KSR1: variants seen among roughly 807,000 people sequenced by gnomAD.
The protein encoded by KSR1 is kinase suppressor of ras 1, also known as kinase suppressor of ras.
In KSR1, 35 loss-of-function variants were observed where a neutral mutation model predicts 92.9. The observed-to-expected ratio is 0.38, with a 90% confidence interval of 0.29 to 0.50. The LOEUF (loss-of-function observed/expected upper bound fraction) is 0.50, where lower values mean the gene tolerates loss of function less well. Ranked by LOEUF, KSR1 falls within the 20% of genes least tolerant of loss-of-function variation. KSR1 has a pLI of 0.94. For synonymous variants in KSR1, 467 were observed against 472.6 expected (o/e 0.99, Z 0.15); for missense variants, 972 against 1,158.5 (o/e 0.84, Z 2.34).
intron 1 of KSR1, among the ~76,000 whole-genome samples, chr17:27,519,928 G>A (rs1356291720): frequency 6.6e-6 from 1 of 152,144 alleles, no homozygotes; most frequent in Admixed American, 6.5e-5. Context: ...CCAGCCGGGA[G>A]TGGGGATAGT....
chr17:27,488,824 C>T (rs944828844), intron 1 of KSR1, among the ~76,000 whole-genome samples: 1 of 152,142 alleles, frequency 6.6e-6, no homozygotes, highest in Non-Finnish European at 1.5e-5. Context: ...ATTAGCTGGG[C>T]GTGGTGGCGC....
rs1331125610 is a variant in KSR1 at position 27,470,304 on chromosome 17, C to T, written c.231+13430C>T. ...TGGCCCAGGCTGGAGTGCAGTGGTG[C>T]GATCTCGGCTCACTGCAACCTCTGC... On this transcript the variant is annotated intron_variant, in intron 1 of 20. Coordinates refer to ENST00000644974, the MANE Select transcript of KSR1 (RefSeq NM_001394583.1). 4.2e-5 allele frequency among the ~76,000 whole-genome samples: 6 copies of T among 141,212 alleles called. No individual in the cohort carries two copies. In the South Asian group the frequency reaches 1.1e-3, roughly 27 times the overall value. 92.6% of individuals were successfully genotyped at this position (141,212 alleles called of 152,430 possible).
intron 1 of KSR1, among the ~76,000 whole-genome samples, chr17:27,510,079 C>G (rs1452640722): frequency 6.6e-6 from 1 of 152,262 alleles, no homozygotes. Flanking sequence ...ACTGGGGAAT[C>G]TCTCTCTTCA....
At chr17:27,475,155 A>G (rs1200310420) in intron 1 of KSR1, among the ~76,000 whole-genome samples, 1 of 152,158 alleles carries the variant, frequency 6.6e-6, no homozygotes, top group Non-Finnish European at 1.5e-5. Flanking sequence ...AGGGGAGTGA[A>G]CCAGGGTTGT....
intron 9 of KSR1, among the ~76,000 whole-genome samples, chr17:27,594,609 C>T (rs2073280000): frequency 6.6e-6 from 1 of 152,170 alleles, no homozygotes; most frequent in Non-Finnish European, 1.5e-5. Context: ...AGAGCAGTGG[C>T]CCTCCAGGAT....
At chr17:27,461,417 A>G (rs1283380301) in intron 1 of KSR1, among the ~76,000 whole-genome samples, 3 of 152,188 alleles carry the variant, frequency 2.0e-5, no homozygotes, top group Non-Finnish European at 4.4e-5. Context: ...GACTTCTCCC[A>G]AGTCACAGGT....
At chr17:27,492,534 G>A in intron 1 of KSR1, among the ~76,000 whole-genome samples, 1 of 152,178 alleles carries the variant, frequency 6.6e-6, no homozygotes, top group East Asian at 1.9e-4. Context: ...CCCTTCCCTT[G>A]CTTGGGCTGA....
chr17:27,476,616 C>T (rs1453902316), intron 1 of KSR1, among the ~76,000 whole-genome samples: 1 of 152,168 alleles, frequency 6.6e-6, no homozygotes, highest in African/African-American at 2.4e-5. Flanking sequence ...CCCTGGGAAG[C>T]CCATGGTTGA....
intron 2 of KSR1, among the ~76,000 whole-genome samples, chr17:27,550,958 A>G (rs897115773): frequency 3.3e-5 from 5 of 152,202 alleles, no homozygotes; most frequent in African/African-American, 1.2e-4. Flanking sequence ...TGTTCATCAT[A>G]CTTACAACAG....
At chr17:27,580,608 C>T (rs924102968) in intron 3 of KSR1, among the ~76,000 whole-genome samples, 1 of 152,144 alleles carries the variant, frequency 6.6e-6, no homozygotes, top group African/African-American at 2.4e-5. Flanking sequence ...CCCATCCCAC[C>T]ACTTTCTTAG....
Position 27,590,825 on chromosome 17 carries a change from C to T in KSR1, c.1061C>T (p.Ser354Phe). ...LSVTHRFSTK[S>F]WLSQVCHVCQ... ...GCCCTCTGCAGGTTCTCCACCAAGT[C>T]CTGGCTGTCGCAGGTCTGCCACGTG... The change falls in exon 7 of 21, where the codon TCC becomes TTC. Residue 354 changes from serine to phenylalanine, a missense_variant. By Grantham distance (155) the Ser-to-Phe change is radical (BLOSUM62 -2). Around this residue, in one of 5 missense-constraint regions of KSR1, gnomAD observed 611 missense variants for 668.0 expected, o/e 0.91. Transcript: ENST00000644974. The T allele has an allele frequency of 6.2e-7, 1 of 1,611,156 alleles. No individual in the cohort carries two copies. Among genetic ancestry groups the T allele is most frequent in the Non-Finnish European group, 8.5e-7 (1 of 1,178,830 alleles).
At chr17:27,554,311 G>C (rs775632713) in intron 2 of KSR1, among the ~76,000 whole-genome samples, 1 of 152,304 alleles carries the variant, frequency 6.6e-6, no homozygotes, top group South Asian at 2.1e-4. Context: ...CTAGGCATAC[G>C]TGGGTTGTCA....
At chr17:27,456,913 G>T (rs1396078115) in intron 1 of KSR1, 39 bp downstream of exon 1, 2 of 773,290 alleles carry the variant, frequency 2.6e-6, no homozygotes, top group Non-Finnish European at 4.6e-6. Flanking sequence ...CGAGGAGCGG[G>T]CCCGGACACC....
intron 2 of KSR1, chr17:27,557,922 T>C (rs113806446): frequency 1.3e-4 from 20 of 152,768 alleles, no homozygotes; most frequent in African/African-American, 3.6e-4. Context: ...CAGTTGGAGC[T>C]CTGCCGCACG....
At chr17:27,505,492 A>G (rs1397936501) in intron 1 of KSR1, among the ~76,000 whole-genome samples, 1 of 152,178 alleles carries the variant, frequency 6.6e-6, no homozygotes, top group African/African-American at 2.4e-5. Flanking sequence ...TTAGTGCTCT[A>G]AGAGAGGCAA....
intron 6 of KSR1, among the ~76,000 whole-genome samples, chr17:27,588,794 G>C (rs190761287): frequency 6.6e-6 from 1 of 152,294 alleles, no homozygotes; most frequent in African/African-American, 2.4e-5. Flanking sequence ...TTCTTTCCCA[G>C]GACACAGGTC....
intron 3 of KSR1, chr17:27,579,717 A>G (rs1213208597): frequency 1.3e-5 from 2 of 151,718 alleles, no homozygotes; most frequent in Admixed American, 6.6e-5. Context: ...TTCTACAAAA[A>G]ATACAAAAAT....
At chr17:27,514,711 T>A (rs1454095155) in intron 1 of KSR1, among the ~76,000 whole-genome samples, 3 of 151,106 alleles carry the variant, frequency 2.0e-5, no homozygotes, top group Non-Finnish European at 4.4e-5. Context: ...AAGTAAGGGA[T>A]TATTTTTCTT....
At chr17:27,464,769 G>A (rs970296106) in intron 1 of KSR1, among the ~76,000 whole-genome samples, 5 of 151,050 alleles carry the variant, frequency 3.3e-5, no homozygotes, top group African/African-American at 1.2e-4. Flanking sequence ...ACTATCCATT[G>A]GTTTTCATGT....
Sources: gnomAD v4.1 joint callset for allele counts (sites outside exome capture counted in the v4.1 genomes callset) on GRCh38, gnomAD v4.1.1 for gene constraint, gnomAD v4.1.1 regional missense constraint, MANE v1.5 for transcripts, NCBI Gene and HGNC (gene_info 2026-07-23, HGNC 2026-07-21) for gene names.